The following PCDHGA2 variants were observed in gnomAD, a reference collection of about 807,000 sequenced individuals.
PCDHGA2 encodes protocadherin gamma-A2.
In PCDHGA2, 40 loss-of-function variants were observed where a neutral mutation model predicts 59.2. The observed-to-expected ratio is 0.68, with a 90% CI of 0.52 to 0.88. The LOEUF (loss-of-function observed/expected upper bound fraction) is 0.88. PCDHGA2 is among the 40% of genes least tolerant of loss of function. The pLI is 0.00. For synonymous variants in PCDHGA2, 560 were observed against 526.0 expected (o/e 1.06, Z -0.89); for missense variants, 1,226 against 1,204.0 (o/e 1.02, Z -0.27).
intron 1 of PCDHGA2, among the ~76,000 whole-genome samples, chr5:141,406,621 A>G (rs2094831746): frequency 6.6e-6 from 1 of 152,172 alleles, no homozygotes; most frequent in African/African-American, 2.4e-5. Flanking sequence ...TTTTATTCTC[A>G]TATCTTCAAA....
intron 1 of PCDHGA2, among the ~76,000 whole-genome samples, chr5:141,449,290 G>A (rs1255760925): frequency 1.3e-5 from 2 of 151,934 alleles, no homozygotes; most frequent in Admixed American, 6.6e-5. Context: ...CGGATGCACC[G>A]GGTGAATTAT....
chr5:141,498,009 C>A (rs1160103624), intron 2 of PCDHGA2, among the ~76,000 whole-genome samples: 1 of 152,146 alleles, frequency 6.6e-6, no homozygotes, highest in Non-Finnish European at 1.5e-5. Context: ...TTACAGTGCA[C>A]TGAAGGAGAC....
chr5:141,395,363 T>C (rs2093221465), intron 1 of PCDHGA2: 2 of 1,278,044 alleles, frequency 1.6e-6, no homozygotes, highest in Admixed American at 5.9e-5. Context: ...GTTTTGGGTT[T>C]ATTTTGGTGG....
chr5:141,443,172 C>T (rs1454734622), intron 1 of PCDHGA2, among the ~76,000 whole-genome samples: 1 of 152,176 alleles, frequency 6.6e-6, no homozygotes, highest in Non-Finnish European at 1.5e-5. Flanking sequence ...CTACCCATGT[C>T]CACTGCATCA....
chr5:141,399,529 G>T (rs946281582), intron 1 of PCDHGA2: 3 of 1,614,010 alleles, frequency 1.9e-6, no homozygotes, highest in Non-Finnish European at 2.5e-6. Flanking sequence ...GGCCTCCATC[G>T]CGCAAGTCTG....
rs543116266 is a variant in PCDHGA2 at position 141,474,428 on chromosome 5, C to A, written c.2425-20379C>A. 3.9e-5 allele frequency among the ~76,000 whole-genome samples: 6 copies of A among 152,346 alleles called. 1 individual carries two copies. In the South Asian group the frequency reaches 1.0e-3, roughly 26 times the overall value. On this transcript the variant is annotated intron_variant, in intron 1 of 3. Coordinates refer to ENST00000394576, the MANE Select transcript of PCDHGA2 (RefSeq NM_018915.4). ...CGGTGATGCCTAGACCATTGGTCCT[C>A]ACACTTTGAGTAGCAAGTGATTGGG...
At chr5:141,405,227 C>A (rs562247940) in intron 1 of PCDHGA2, 1 of 1,614,114 alleles carries the variant, frequency 6.2e-7, no homozygotes. Context: ...GGAGTTCTCC[C>A]TCACCGCTGA....
chr5:141,457,997 G>A (rs2098934533), intron 1 of PCDHGA2, among the ~76,000 whole-genome samples: 1 of 152,152 alleles, frequency 6.6e-6, no homozygotes, highest in Non-Finnish European at 1.5e-5. Context: ...TAAAGCCTTG[G>A]CAAAATAACC....
chr5:141,410,399 G>A, intron 1 of PCDHGA2: 1 of 1,614,044 alleles, frequency 6.2e-7, no homozygotes. Flanking sequence ...TGGTCTCTGT[G>A]TCAAGTCTGG....
intron 1 of PCDHGA2, chr5:141,376,712 C>A (rs1323983418): frequency 3.2e-6 from 2 of 620,108 alleles, no homozygotes; most frequent in South Asian, 2.1e-5. Context: ...CGGAGTCTCG[C>A]TCTGTCGCCC....
At chr5:141,483,555 C>CAG (rs1415499107) in intron 1 of PCDHGA2, among the ~76,000 whole-genome samples, 2 of 152,152 alleles carry the variant, frequency 1.3e-5, no homozygotes, top group African/African-American at 4.8e-5. Flanking sequence ...GTGCCATTCA[C>CAG]AGAGACAGTG....
At chr5:141,422,926 GC>G in intron 1 of PCDHGA2, 1 of 1,614,230 alleles carries the variant, frequency 6.2e-7, no homozygotes, top group Non-Finnish European at 8.5e-7. Flanking sequence ...CCTGTACCCT[GC>G]CCTCCCCACA....
At chr5:141,427,352 G>A (rs982774903) in intron 1 of PCDHGA2, 3 of 457,474 alleles carry the variant, frequency 6.6e-6, no homozygotes, top group African/African-American at 6.0e-5. Flanking sequence ...CTGTAACTGA[G>A]GACGCAGAAC....
chr5:141,356,607 C>A, intron 1 of PCDHGA2: 1 of 1,614,198 alleles, frequency 6.2e-7, no homozygotes, highest in Non-Finnish European at 8.5e-7. Flanking sequence ...CCAGAGGAGC[C>A]TCCATCTTAT....
In PCDHGA2 at chr5:141,340,632, A is replaced by G; in HGVS notation, c.1661A>G (p.Asp554Gly). ...GTATCATTAAGCCTGTTCGTGCTGG[A>G]CCAGAACGACAACGCGCCCGAGATC... ...SNVSLSLFVL[D>G]QNDNAPEILY... The change falls in exon 1 of 4, where the codon GAC (aspartate) becomes GGC (glycine). Residue 554 changes from aspartate (D) to glycine (G), a missense_variant. Coordinates refer to ENST00000394576, the MANE Select transcript of PCDHGA2 (RefSeq NM_018915.4). 1 of 1,614,082 alleles carries G rather than the reference A, an allele frequency of 6.2e-7. No individual in the cohort carries two copies. Among genetic ancestry groups the G allele is most frequent in the South Asian group, 1.1e-5 (1 of 91,074 alleles).
chr5:141,467,287 A>C (rs2099140956), intron 1 of PCDHGA2, among the ~76,000 whole-genome samples: 1 of 152,082 alleles, frequency 6.6e-6, no homozygotes, highest in Admixed American at 6.6e-5. Flanking sequence ...TCTTGACCTC[A>C]AGTGATCCAC....
intron 1 of PCDHGA2, among the ~76,000 whole-genome samples, chr5:141,368,490 A>C (rs1765682210): frequency 6.6e-6 from 1 of 152,216 alleles, no homozygotes; most frequent in Admixed American, 6.5e-5. Context: ...AAGAGAATCT[A>C]TACAGTAGGT....
At chr5:141,409,596 A>G in intron 1 of PCDHGA2, 1 of 1,613,714 alleles carries the variant, frequency 6.2e-7, no homozygotes, top group Non-Finnish European at 8.5e-7. Flanking sequence ...GCCGAGAACA[A>G]CCCGCCAGGA....
chr5:141,428,344 G>T (rs970552377), intron 1 of PCDHGA2: 3 of 596,498 alleles, frequency 5.0e-6, no homozygotes, highest in Non-Finnish European at 6.1e-6. Flanking sequence ...CTTCTTCCTC[G>T]CAGTGATTTT....
Sources: allele counts gnomAD v4.1 joint callset (sites outside exome capture counted in the v4.1 genomes callset), GRCh38; gene constraint gnomAD v4.1.1; transcripts MANE v1.5; gene names NCBI Gene and HGNC (gene_info 2026-07-23, HGNC 2026-07-21).